The following WDR59 variants were observed in gnomAD, a reference collection of about 807,000 sequenced individuals.
The protein encoded by WDR59 is GATOR2 complex protein WDR59.
A neutral mutation model predicts 131.2 loss-of-function variants in WDR59; 100 were observed. The observed-to-expected ratio is 0.76, with a 90% confidence interval of 0.65 to 0.90. WDR59 has a LOEUF of 0.90. Among genes scored for constraint, WDR59 ranks in the 40% least tolerant of loss-of-function variants. The pLI, the probability that WDR59 is intolerant of heterozygous loss-of-function variation, is 0.00. For synonymous variants in WDR59, 601 were observed against 466.2 expected (o/e 1.29, Z -3.72); for missense variants, 1,203 against 1,262.2 (o/e 0.95, Z 0.71).
chr16:74,978,320 C>CA (rs1182301591), intron 1 of WDR59, among the ~76,000 whole-genome samples: 7,443 of 52,730 alleles, frequency 0.14, 534 homozygotes, highest in Non-Finnish European at 0.17. Context: ...GACTCTGTCT[C>CA]AAAAAAAAAA....
chr16:74,946,476 C>T (rs7193146), intron 6 of WDR59, among the ~76,000 whole-genome samples: 4,128 of 152,184 alleles, frequency 0.027, 157 homozygotes, highest in African/African-American at 0.093. Flanking sequence ...AATCCCAACA[C>T]TTTAGGAGGC....
chr16:74,921,755 T>G (rs140332547), intron 10 of WDR59, among the ~76,000 whole-genome samples, 192 bp downstream of exon 10: 231 of 133,386 alleles, frequency 1.7e-3, no homozygotes, highest in Non-Finnish European at 2.9e-3. Flanking sequence ...AGGACAGAAT[T>G]TGGAAGAGTA....
chr16:74,923,876 G>C (rs761794063), intron 9 of WDR59, 50 bp downstream of exon 9: 9 of 1,524,122 alleles, frequency 5.9e-6, no homozygotes, highest in East Asian at 4.5e-5. Flanking sequence ...CCTTCTTTTT[G>C]GAACACCCAA....
At chr16:74,982,885 A>G (rs772323582) in intron 1 of WDR59, among the ~76,000 whole-genome samples, 11 of 152,220 alleles carry the variant, frequency 7.2e-5, no homozygotes, top group Non-Finnish European at 1.6e-4. Flanking sequence ...TTTTGGAAAG[A>G]AGAAACCACA....
chr16:74,888,945 ATAATAT>A (rs1964907153), intron 21 of WDR59, among the ~76,000 whole-genome samples: 1 of 152,236 alleles, frequency 6.6e-6, no homozygotes, highest in African/African-American at 2.4e-5. Flanking sequence ...TTAAGAATGA[ATAATAT>A]TAATGTCCTC....
At chr16:74,906,170 C>T (rs992703266) in intron 17 of WDR59, among the ~76,000 whole-genome samples, 11 of 151,500 alleles carry the variant, frequency 7.3e-5, no homozygotes, top group Non-Finnish European at 1.2e-4. Context: ...AAAAATTAGC[C>T]GGGCGTGGTG....
intron 1 of WDR59, among the ~76,000 whole-genome samples, chr16:74,969,141 AG>A (rs2033883477): frequency 6.6e-6 from 1 of 152,216 alleles, no homozygotes; most frequent in Admixed American, 6.5e-5. Context: ...TGACTGAGAT[AG>A]GATTTCCCAG....
At chr16:74,904,895 A>G (rs1265038427) in intron 17 of WDR59, among the ~76,000 whole-genome samples, 2 of 152,234 alleles carry the variant, frequency 1.3e-5, no homozygotes, top group Non-Finnish European at 2.9e-5. Context: ...TACAAATTCA[A>G]CAAAGAAAGG....
rs61448932 is a variant in WDR59, at chr16:74,952,445, CAAAAAA to C, written c.241-908_241-903del. On this transcript the variant is annotated intron_variant, in intron 3 of 25. Transcript: ENST00000262144. ...TGACACAGCAAGACCCCATCTCAAACAAAAAAAAAAAAAAAAAAAAAGAAAAGAAAA... is the reference window on the plus strand; with the variant it reads ...TGACACAGCAAGACCCCATCTCAAACAAAAAAAAAAAAAAAGAAAAGAAAA... 4.1e-4 allele frequency among the ~76,000 whole-genome samples: 26 copies of C among 62,702 alleles called. 1 individual carries two copies. The highest frequency in any genetic ancestry group is 3.5e-3 in the South Asian group (5 of 1,444). The allele number at this position is 62,702 out of a possible 152,430, so 41.1% of individuals were successfully genotyped here.
intron 17 of WDR59, 191 bp downstream of exon 17, chr16:74,908,717 A>G: frequency 1.9e-6 from 1 of 533,402 alleles, no homozygotes; most frequent in Non-Finnish European, 3.3e-6. Context: ...GTTTGGTAAT[A>G]ACCATACAGC....
At chr16:74,951,157 C>CT (rs2032972434) in intron 4 of WDR59, among the ~76,000 whole-genome samples, 1 of 86,074 alleles carries the variant, frequency 1.2e-5, no homozygotes, top group African/African-American at 6.2e-5. Flanking sequence ...GAGACTTCGT[C>CT]TCAAAAAAAA....
intron 18 of WDR59, among the ~76,000 whole-genome samples, chr16:74,894,461 G>A (rs779752571): frequency 2.0e-5 from 3 of 152,110 alleles, no homozygotes; most frequent in Non-Finnish European, 4.4e-5. Context: ...CTTACCTATG[G>A]GTGGCTACAT....
chr16:74,924,020 A>G lies in WDR59; in HGVS notation c.652-17T>C. The G allele has an allele frequency of 6.2e-7, 1 of 1,611,680 alleles. No individual in the cohort carries two copies. The highest frequency in any genetic ancestry group is 8.5e-7 in the Non-Finnish European group (1 of 1,178,930). ...ATCCCAGAACTAGAAGAGAGCAAGCAAGATCATTTGTGAAATAAATGCCAT... is the reference window on the plus strand; with the variant it reads ...ATCCCAGAACTAGAAGAGAGCAAGCGAGATCATTTGTGAAATAAATGCCAT... On this transcript the variant is annotated splice_polypyrimidine_tract_variant and intron_variant, in intron 8 of 25. Coordinates refer to ENST00000262144, the MANE Select transcript of WDR59 (RefSeq NM_030581.4).
chr16:74,885,662 T>A lies in WDR59; in HGVS notation c.2680A>T (p.Lys894Ter). The change falls in exon 25 of 26, where the codon AAA becomes TAA. Residue 894 changes from lysine (K) to a stop codon, truncating the protein, a stop_gained. Transcript: ENST00000262144. LOFTEE classifies it high-confidence loss of function. ...KFVSCPPDPHKGIEFGVYCSH... is the reference protein window; with the variant it reads ...KFVSCPPDPH Reference sequence around the variant, plus strand: ...AGAAATTCATACTCACCGATCCCTTTGTGAGGGTCAGGAGGACAGGAGACA... The same window carrying A: ...AGAAATTCATACTCACCGATCCCTTAGTGAGGGTCAGGAGGACAGGAGACA... The A allele has an allele frequency of 1.2e-6, 2 of 1,613,964 alleles. No homozygotes were observed. The highest frequency in any genetic ancestry group is 1.7e-6 in the Non-Finnish European group (2 of 1,179,972).
chr16:74,950,578 C>G (rs915191072), intron 4 of WDR59, among the ~76,000 whole-genome samples: 13 of 152,268 alleles, frequency 8.5e-5, no homozygotes, highest in Admixed American at 2.0e-4. Flanking sequence ...ACAGAACATT[C>G]CACCCAACCC....
chr16:74,984,605 T>C (rs1244888890), intron 1 of WDR59: 1 of 306,420 alleles, frequency 3.3e-6, no homozygotes, highest in Admixed American at 4.4e-5. Context: ...CGACTTGCCT[T>C]AAGTCGCCAC....
intron 10 of WDR59, among the ~76,000 whole-genome samples, chr16:74,918,541 T>A (rs576283817): frequency 3.2e-4 from 48 of 152,344 alleles, no homozygotes; most frequent in Non-Finnish European, 5.6e-4. Context: ...AAGTGATGTA[T>A]CTCTTTGTAA....
intron 2 of WDR59, among the ~76,000 whole-genome samples, chr16:74,958,338 C>T (rs1338938377): frequency 6.6e-6 from 1 of 151,868 alleles, no homozygotes; most frequent in East Asian, 1.9e-4. Context: ...AACTCTATTC[C>T]CAGCACTTTG....
At chr16:74,917,832 A>G (rs1459868387) in intron 11 of WDR59, 97 bp downstream of exon 11, 10 of 823,250 alleles carry the variant, frequency 1.2e-5, no homozygotes, top group Admixed American at 2.9e-5. Context: ...AAAAAAAAAA[A>G]TTGTTTATCC....
Sources: gnomAD v4.1 joint callset for allele counts (sites outside exome capture counted in the v4.1 genomes callset) on GRCh38, gnomAD v4.1.1 for gene constraint, MANE v1.5 for transcripts, NCBI Gene and HGNC (gene_info 2026-07-23, HGNC 2026-07-21) for gene names.